Variants in PCDH15 observed in about 807,000 individuals in gnomAD.
PCDH15 encodes protocadherin-15.
In PCDH15, 129 loss-of-function variants were observed where a neutral mutation model predicts 178.5. The observed-to-expected ratio is 0.72, with a 90% CI of 0.63 to 0.84. PCDH15 has a LOEUF of 0.84. PCDH15 is among the 40% of genes least tolerant of loss of function. The probability of loss-of-function intolerance (pLI) is 0.00; values close to 1 mark genes in which losing one functional copy is unlikely to be tolerated. For missense variants in PCDH15, 2,230 were observed against 2,099.9 expected (o/e 1.06, Z -1.21); for synonymous variants, 800 against 732.0 (o/e 1.09, Z -1.50).
intron 5 of PCDH15, among the ~76,000 whole-genome samples, chr10:54,351,638 C>T (rs1944198504): frequency 6.6e-6 from 1 of 152,154 alleles, no homozygotes; most frequent in Admixed American, 6.5e-5. Context: ...CTCTACCTGC[C>T]TGTTCCTGGT....
chr10:53,874,491 C>T (rs11003899), intron 26 of PCDH15, among the ~76,000 whole-genome samples: 10,565 of 152,028 alleles, frequency 0.069, 1,059 homozygotes, highest in African/African-American at 0.22. Context: ...CATAATATTC[C>T]ATTGGTAAAG....
At chr10:54,785,140 T>C (rs1338647212) in intron 1 of PCDH15, among the ~76,000 whole-genome samples, 1 of 151,976 alleles carries the variant, frequency 6.6e-6, no homozygotes, top group Non-Finnish European at 1.5e-5. Context: ...ATAAAGTCAG[T>C]TCCATTTTAT....
At position 54,653,198 on chromosome 10, in the gene PCDH15, G is replaced by A. The variant is rs187298775; in HGVS notation, c.91+10974C>T. Among the ~76,000 whole-genome samples, 11 of 152,180 alleles carry A rather than the reference G, an allele frequency of 7.2e-5. No individual in the cohort carries two copies. The East Asian group carries it at 2.1e-3, about 30-fold the overall frequency. On this transcript the variant is annotated intron_variant, in intron 2 of 37. Transcript: ENST00000644397. ...TAGGAGAGCTCATTCATCTAACACG[G>A]TTACCTTTCATGACAATGATGATGA...
intron 26 of PCDH15, among the ~76,000 whole-genome samples, chr10:53,882,700 G>A (rs2080814697): frequency 6.6e-6 from 1 of 152,158 alleles, no homozygotes; most frequent in South Asian, 2.1e-4. Flanking sequence ...TATTTTTCAT[G>A]AACCACTGAT....
At chr10:54,706,026 A>T (rs556387144) in intron 1 of PCDH15, among the ~76,000 whole-genome samples, 2 of 152,322 alleles carry the variant, frequency 1.3e-5, no homozygotes, top group South Asian at 4.1e-4. Flanking sequence ...TACTCTTAAC[A>T]GTGAGCCAGA....
intron 2 of PCDH15, among the ~76,000 whole-genome samples, chr10:55,357,818 A>T (rs1845117847): frequency 1.3e-5 from 2 of 152,060 alleles, no homozygotes; most frequent in South Asian, 4.1e-4. Context: ...AAAGTGCTCA[A>T]ACTCAATACA....
At chr10:55,023,576 C>A (rs551770304) in intron 2 of PCDH15, among the ~76,000 whole-genome samples, 1 of 152,058 alleles carries the variant, frequency 6.6e-6, no homozygotes, top group South Asian at 2.1e-4. Context: ...CACACACAGA[C>A]ACACACACAA....
At chr10:54,353,729 G>A (rs1944523457) in intron 5 of PCDH15, among the ~76,000 whole-genome samples, 3 of 151,496 alleles carry the variant, frequency 2.0e-5, no homozygotes, top group African/African-American at 7.3e-5. Context: ...ACATAATATG[G>A]TTTTCATACC....
chr10:54,559,850 T>TAAAAAAAAAAAA (rs80250003), intron 2 of PCDH15, among the ~76,000 whole-genome samples: 21 of 73,076 alleles, frequency 2.9e-4, no homozygotes, highest in Middle Eastern at 8.8e-3. Flanking sequence ...TGTCTTATAG[T>TAAAAAAAAAAAA]AAAAAAAAAA....
chr10:54,376,754 T>C (rs1190357232), intron 4 of PCDH15, among the ~76,000 whole-genome samples: 1 of 151,952 alleles, frequency 6.6e-6, no homozygotes, highest in Admixed American at 6.6e-5. Flanking sequence ...GCAATATTGG[T>C]ATGGAAGCAT....
intron 25 of PCDH15, among the ~76,000 whole-genome samples, chr10:53,915,570 C>T (rs1056102902): frequency 6.6e-6 from 1 of 152,040 alleles, no homozygotes; most frequent in Non-Finnish European, 1.5e-5. Flanking sequence ...ATTCATATTT[C>T]CTTTTTTTTG....
At chr10:54,438,294 A>C (rs61853577) in intron 3 of PCDH15, among the ~76,000 whole-genome samples, 2 of 138,766 alleles carry the variant, frequency 1.4e-5, no homozygotes, top group South Asian at 4.6e-4. Context: ...TTTTTTTTAA[A>C]TAATCTCATC....
intron 8 of PCDH15, among the ~76,000 whole-genome samples, chr10:54,286,815 A>T (rs1479749614): frequency 6.6e-6 from 1 of 152,030 alleles, no homozygotes; most frequent in East Asian, 1.9e-4. Context: ...TTTAGTAGAG[A>T]CGGGGTTTTG....
chr10:55,382,145 C>A (rs1477620794), intron 2 of PCDH15, among the ~76,000 whole-genome samples: 1 of 152,148 alleles, frequency 6.6e-6, no homozygotes, highest in East Asian at 1.9e-4. Flanking sequence ...CTAATTGATA[C>A]TAGCCACAAA....
intron 1 of PCDH15, among the ~76,000 whole-genome samples, chr10:55,173,353 A>ATGTG (rs1294589089): frequency 2.5e-5 from 2 of 81,164 alleles, no homozygotes; most frequent in Non-Finnish European, 6.0e-5. Context: ...GTGTATGTGT[A>ATGTG]TGTAGAAGGA....
chr10:55,255,128 G>T (rs1337072229), intron 1 of PCDH15, among the ~76,000 whole-genome samples: 1 of 152,102 alleles, frequency 6.6e-6, no homozygotes, highest in Non-Finnish European at 1.5e-5. Context: ...ACAGGCCCCA[G>T]TGGGTGATGT....
chr10:54,118,692 A>T (rs1482900884), intron 15 of PCDH15, among the ~76,000 whole-genome samples: 5 of 151,898 alleles, frequency 3.3e-5, no homozygotes, highest in Admixed American at 2.0e-4. Context: ...ATTAAAAAAA[A>T]TAAATTAACC....
intron 2 of PCDH15, among the ~76,000 whole-genome samples, chr10:55,055,922 A>G (rs1314601945): frequency 2.6e-5 from 4 of 152,218 alleles, no homozygotes; most frequent in Admixed American, 6.5e-5. Flanking sequence ...AAAGAAAACC[A>G]TTTCTAACTT....
At chr10:55,136,984 T>C (rs1485922182) in intron 2 of PCDH15, among the ~76,000 whole-genome samples, 1 of 152,148 alleles carries the variant, frequency 6.6e-6, no homozygotes. Context: ...TTAACTATAT[T>C]TGTGAGAAAT....
Sources: gnomAD v4.1 joint callset for allele counts (sites outside exome capture counted in the v4.1 genomes callset) on GRCh38, gnomAD v4.1.1 for gene constraint, MANE v1.5 for transcripts, NCBI Gene and HGNC (gene_info 2026-07-23, HGNC 2026-07-21) for gene names.